NAA50: variants seen among roughly 807,000 people sequenced by gnomAD.
The protein encoded by NAA50 is N-alpha-acetyltransferase 50, NatE catalytic subunit, also known as N-alpha-acetyltransferase 50.
Under a neutral mutation model 20.7 loss-of-function variants are expected in NAA50, and 7 were observed. The ratio of observed to expected loss-of-function variants is 0.34; its 90% CI spans 0.19 to 0.63. The LOEUF (loss-of-function observed/expected upper bound fraction) is 0.63. Among genes scored for constraint, NAA50 ranks in the 30% least tolerant of loss-of-function variants. NAA50 has a pLI of 0.75. For synonymous variants in NAA50, 54 were observed against 70.6 expected (o/e 0.77, Z 1.18); for missense variants, 111 against 199.1 (o/e 0.56, Z 2.66).
rs993475490 is a variant in NAA50, at chr3:113,746,090, C to T, written c.-141G>A. The stretch of plus-strand genomic sequence containing the variant: ...CCTGGGCAGGGAGCTGTGCGAGCAA[C>T]GAAGGCCGCGAGAGTCGAGTGAGGG... On this transcript the variant is annotated 5_prime_UTR_variant, in exon 1 of 5. Transcript: ENST00000240922. 1 of 1,118,624 alleles carries T rather than the reference C, an allele frequency of 8.9e-7. No homozygotes were observed. The highest frequency in any genetic ancestry group is 1.3e-6 in the Non-Finnish European group (1 of 793,976). The allele number at this position is 1,118,624 out of a possible 1,614,324, so 69.3% of individuals were successfully genotyped here. A position where few individuals can be genotyped will look rare whatever the true frequency, so the allele number is the denominator to read the frequency against.
At chr3:113,730,967 T>C (rs1010229212) in intron 1 of NAA50, among the ~76,000 whole-genome samples, 5 of 152,198 alleles carry the variant, frequency 3.3e-5, no homozygotes, top group Non-Finnish European at 7.4e-5. Flanking sequence ...GTCTTAAGTG[T>C]ATAGGAGTTC....
chr3:113,725,954 C>G (rs529405281), intron 1 of NAA50, among the ~76,000 whole-genome samples: 1 of 152,198 alleles, frequency 6.6e-6, no homozygotes, highest in Non-Finnish European at 1.5e-5. Flanking sequence ...GACTTTTACC[C>G]CCTATTTAAG....
At position 113,723,971 on chromosome 3, in the gene NAA50, G is replaced by A; in HGVS notation, c.133C>T (p.Leu45=). The A allele has an allele frequency of 6.3e-7, 1 of 1,583,468 alleles. No individual in the cohort carries two copies. Among genetic ancestry groups the A allele is most frequent in the Non-Finnish European group, 8.6e-7 (1 of 1,168,362 alleles). Residue 45 remains leucine (L), a synonymous_variant, in exon 2 of 5, where the codon CTA becomes TTA. Coordinates refer to ENST00000240922, the MANE Select transcript of NAA50 (RefSeq NM_025146.4). ...AACTATATTATACCAAGTTTTGCTA[G>A]CTCGCCAACCTCCAGCACATCCTTG... is the stretch of plus-strand genomic sequence containing the variant. The part of the protein sequence containing the change: ...FYKDVLEVGE[L]AKLAYFNDIA...
Position 113,721,528 on chromosome 3 carries a change from G to T in NAA50, c.*232C>A. 1 of 560,400 alleles carries T rather than the reference G, an allele frequency of 1.8e-6. No individual in the cohort carries two copies. Among genetic ancestry groups the T allele is most frequent in the Non-Finnish European group, 3.1e-6 (1 of 317,660 alleles). The allele number at this position is 560,400 out of a possible 1,614,324, so 34.7% of individuals were successfully genotyped here. ...CTGCAAAACTAAACAGATCTACCTT[G>T]TCCTTCCTTCAAACCACCTCACAAA... On this transcript the variant is annotated 3_prime_UTR_variant, in exon 5 of 5. Coordinates refer to ENST00000240922, the MANE Select transcript of NAA50 (RefSeq NM_025146.4).
In NAA50 at chr3:113,718,956, C is replaced by T. The variant is rs1466191430; in HGVS notation, c.*2804G>A. ...TACGGTTGCTGGCTGCAGAATTCAA[C>T]AATACAGTTTTGACATTTACAGATA... On this transcript the variant is annotated 3_prime_UTR_variant, in exon 5 of 5. Coordinates refer to ENST00000240922, the MANE Select transcript of NAA50 (RefSeq NM_025146.4). 6.6e-6 allele frequency: 1 copy of T among 152,628 alleles called. No individual in the cohort carries two copies. Among genetic ancestry groups the T allele is most frequent in the Non-Finnish European group, 1.5e-5 (1 of 68,028 alleles). The allele number at this position is 152,628 out of a possible 1,614,324, so 9.5% of individuals were successfully genotyped here. A position where few individuals can be genotyped will look rare whatever the true frequency, so the allele number is the denominator to read the frequency against.
At chr3:113,743,727 G>A (rs1708451628) in intron 1 of NAA50, among the ~76,000 whole-genome samples, 1 of 152,162 alleles carries the variant, frequency 6.6e-6, no homozygotes. Flanking sequence ...ATCATAAGAA[G>A]TAATAGGAAC....
chr3:113,721,669 T>C lies in NAA50; in HGVS notation c.*91A>G, dbSNP rs1708137403. The C allele has an allele frequency of 4.4e-6, 6 of 1,375,324 alleles. No individual in the cohort carries two copies. The Admixed American group carries it at 1.2e-4, about 28-fold the overall frequency. The allele number at this position is 1,375,324 out of a possible 1,614,324, so 85.2% of individuals were successfully genotyped here. A position where few individuals can be genotyped will look rare whatever the true frequency, so the allele number is the denominator to read the frequency against. On this transcript the variant is annotated 3_prime_UTR_variant, in exon 5 of 5. Coordinates refer to ENST00000240922, the MANE Select transcript of NAA50 (RefSeq NM_025146.4). ...CAAGAACAAGGAGGGAGAAAAGCTT[T>C]AAAAGAAAAGTGTTGGGGTGGGGGA...
intron 1 of NAA50, among the ~76,000 whole-genome samples, chr3:113,735,489 T>C (rs1217756383): frequency 6.6e-6 from 1 of 152,210 alleles, no homozygotes; most frequent in African/African-American, 2.4e-5. Flanking sequence ...GAACGGGTCA[T>C]TGGAAAAACT....
At chr3:113,724,689 GGAGT>G (rs974418270) in intron 1 of NAA50, 2 of 152,092 alleles carry the variant, frequency 1.3e-5, no homozygotes, top group African/African-American at 4.8e-5. Context: ...GAAAGCAACA[GGAGT>G]GATATGGTTT....
chr3:113,739,556 G>T (rs1708385374), intron 1 of NAA50: 1 of 152,194 alleles, frequency 6.6e-6, no homozygotes, highest in Admixed American at 6.5e-5. Context: ...CTCTGGAGTT[G>T]GAGAACAAGT....
chr3:113,741,053 C>G, intron 1 of NAA50: 1 of 492,456 alleles, frequency 2.0e-6, no homozygotes, highest in East Asian at 5.5e-5. Context: ...GTCTGAGAAT[C>G]TGAACTGAAC....
chr3:113,729,734 T>G (rs569169186), intron 1 of NAA50, among the ~76,000 whole-genome samples: 1 of 152,002 alleles, frequency 6.6e-6, no homozygotes, highest in South Asian at 2.1e-4. Context: ...GTTTTTGTAT[T>G]TTTGGTAGAG....
intron 1 of NAA50, among the ~76,000 whole-genome samples, chr3:113,728,988 CTTTT>C (rs1336718794): frequency 7.0e-6 from 1 of 142,216 alleles, no homozygotes; most frequent in Non-Finnish European, 1.5e-5. Context: ...TTTTCCTTTT[CTTTT>C]TTTTTTTTTT....
intron 1 of NAA50, among the ~76,000 whole-genome samples, chr3:113,736,860 G>C (rs988607701): frequency 4.6e-5 from 7 of 152,130 alleles, no homozygotes; most frequent in African/African-American, 1.7e-4. Context: ...AACAAAAAGT[G>C]AAAATGAAGT....
chr3:113,730,263 T>G (rs565078774), intron 1 of NAA50, among the ~76,000 whole-genome samples: 2 of 152,250 alleles, frequency 1.3e-5, no homozygotes, highest in South Asian at 4.1e-4. Context: ...TCGCCACCAC[T>G]GCACTCCAGC....
intron 1 of NAA50, 110 bp downstream of exon 1, chr3:113,745,832 C>T (rs1278336088): frequency 4.6e-6 from 6 of 1,290,552 alleles, no homozygotes; most frequent in Middle Eastern, 1.9e-4. Flanking sequence ...AAATCTCCCT[C>T]CGCCCGTCTT....
intron 1 of NAA50, among the ~76,000 whole-genome samples, chr3:113,736,916 A>C (rs1370512729): frequency 6.6e-6 from 1 of 152,222 alleles, no homozygotes; most frequent in East Asian, 1.9e-4. Flanking sequence ...GAGTATTAAG[A>C]GTACCTTGGC....
Position 113,716,834 on chromosome 3 carries a change from T to G in NAA50, c.*4926A>C, listed in dbSNP as rs1708056106. On this transcript the variant is annotated 3_prime_UTR_variant, in exon 5 of 5. Coordinates refer to ENST00000240922, the MANE Select transcript of NAA50 (RefSeq NM_025146.4). ...CTCCAAAATAGTTCAGCCAATAGAG[T>G]AACTTCCCAAATGCTGGATTTAAGC... 6.6e-6 allele frequency: 1 copy of G among 152,156 alleles called. No individual in the cohort carries two copies. The highest frequency in any genetic ancestry group is 2.1e-4 in the South Asian group (1 of 4,832). The allele number at this position is 152,156 out of a possible 1,614,324, so 9.4% of individuals were successfully genotyped here. A position where few individuals can be genotyped will look rare whatever the true frequency, so the allele number is the denominator to read the frequency against.
Position 113,719,723 on chromosome 3 carries a change from T to G in NAA50, c.*2037A>C, listed in dbSNP as rs971584051. On this transcript the variant is annotated 3_prime_UTR_variant, in exon 5 of 5. Transcript: ENST00000240922. ...TTTTTCCTCCTTAAATAACATGTAC[T>G]TGTCATGAGGCAGCTATTAGGTTTT... 4 of 152,626 alleles carry G rather than the reference T, an allele frequency of 2.6e-5. No individual in the cohort carries two copies. Among genetic ancestry groups the G allele is most frequent in the Admixed American group, 2.0e-4 (3 of 15,276 alleles). The allele number at this position is 152,626 out of a possible 1,614,324, so 9.5% of individuals were successfully genotyped here. A position where few individuals can be genotyped will look rare whatever the true frequency, so the allele number is the denominator to read the frequency against.
Sources: allele counts gnomAD v4.1 joint callset (sites outside exome capture counted in the v4.1 genomes callset), GRCh38; gene constraint gnomAD v4.1.1; transcripts MANE v1.5; gene names NCBI Gene and HGNC (gene_info 2026-07-23, HGNC 2026-07-21).